Variants in SSC4D observed in about 807,000 individuals in gnomAD.
SSC4D encodes scavenger receptor cysteine-rich domain-containing group B protein.
A neutral mutation model predicts 63.4 loss-of-function variants in SSC4D; 57 were observed. The ratio of observed to expected loss-of-function variants is 0.90; its 90% CI spans 0.73 to 1.12. The LOEUF (loss-of-function observed/expected upper bound fraction) is 1.12. Ranked by LOEUF, SSC4D falls within the 50% of genes most tolerant of loss-of-function variation. The pLI, the probability that SSC4D is intolerant of heterozygous loss-of-function variation, is 0.00. For synonymous variants in SSC4D, 352 were observed against 345.4 expected, an observed-to-expected ratio of 1.02 and a Z score of -0.21; for missense variants, 791 against 806.4, an observed-to-expected ratio of 0.98 and a Z score of 0.23.
At chr7:76,392,324 G>GGATC (rs1241960526) in intron 9 of SSC4D, among the ~76,000 whole-genome samples, 1 of 152,070 alleles carries the variant, frequency 6.6e-6, no homozygotes, top group African/African-American at 2.4e-5. Context: ...CGAGGCGGGT[G>GGATC]GATCACCTGA....
rs757555740 is a variant in SSC4D at position 76,393,379 on chromosome 7, AGCCTCACCTTC to A, written c.1333+15_1333+25del. 1.5e-6 allele frequency: 2 copies of A among 1,324,242 alleles called. No homozygotes were observed. The highest frequency in any genetic ancestry group is 1.9e-6 in the Non-Finnish European group (2 of 1,034,224). 82.0% of individuals were successfully genotyped at this position (1,324,242 alleles called of 1,614,324 possible). A position where few individuals can be genotyped will look rare whatever the true frequency, so the allele number is the denominator to read the frequency against. ...CGCCGCAGTGCGCGGCCCCGCTGTC[AGCCTCACCTTC>A]GCTGTCAGCCTCACCTGCGCAGAGC... On this transcript the variant is annotated intron_variant, in intron 9 of 10. Coordinates refer to ENST00000275560, the MANE Select transcript of SSC4D (RefSeq NM_080744.2).
chr7:76,406,911 T>A lies in SSC4D; in HGVS notation c.-66-2406A>T, dbSNP rs187944594. On this transcript the variant is annotated intron_variant, in intron 1 of 10. Coordinates refer to ENST00000275560, the MANE Select transcript of SSC4D (RefSeq NM_080744.2). ...TGTGTCATGGTAACTATGATTTACT[T>A]AATATTTTTCTCATTTTATTGGCAC... is the stretch of plus-strand genomic sequence containing the variant. Among the ~76,000 whole-genome samples the A allele has an allele frequency of 3.3e-4, 51 of 152,242 alleles. No individual in the cohort carries two copies. The East Asian group carries it at 9.5e-3, about 28-fold the overall frequency.
chr7:76,392,860 T>C (rs1791766236), intron 9 of SSC4D, among the ~76,000 whole-genome samples: 1 of 151,914 alleles, frequency 6.6e-6, no homozygotes. Context: ...GAACCCTCTG[T>C]GGCCAAAACT....
At chr7:76,401,118 A>G in intron 2 of SSC4D, 75 bp from the exon 3 acceptor site, 1 of 1,469,752 alleles carries the variant, frequency 6.8e-7, no homozygotes, top group South Asian at 1.4e-5. Context: ...CACACCCCCC[A>G]ACTCCCACAG....
rs1171830870 is a variant in SSC4D at position 76,405,271 on chromosome 7, T to TTATATATATA, written c.-66-776_-66-767dup. On this transcript the variant is annotated intron_variant, in intron 1 of 10. Transcript: ENST00000275560. Reference sequence around the variant, plus strand: ...GGCGTGCATCACCACACCCAGCTAATTATATATATATATATATATATATAT... The same window carrying TTATATATATA: ...GGCGTGCATCACCACACCCAGCTAATTATATATATATATATATATATATATATATATATAT... Among the ~76,000 whole-genome samples the TTATATATATA allele has an allele frequency of 4.4e-3, 40 of 9,132 alleles. 1 individual carries two copies. Among genetic ancestry groups the TTATATATATA allele is most frequent in the South Asian group, 0.011 (1 of 92 alleles). 6.0% of individuals were successfully genotyped at this position (9,132 alleles called of 152,430 possible).
intron 2 of SSC4D, among the ~76,000 whole-genome samples, chr7:76,401,550 G>A (rs111399209): frequency 0.18 from 27,743 of 152,070 alleles, 2,774 homozygotes; most frequent in South Asian, 0.25. Flanking sequence ...CCGAGTAGCT[G>A]GGATTACAGG....
intron 4 of SSC4D, 108 bp from the exon 5 acceptor site, chr7:76,398,905 C>G: frequency 2.7e-6 from 3 of 1,091,974 alleles, no homozygotes; most frequent in Non-Finnish European, 4.1e-6. Flanking sequence ...GCCGCCAGAG[C>G]CTCTGGCCAC....
At chr7:76,395,120 C>T (rs1235663115) in intron 7 of SSC4D, 133 bp downstream of exon 7, 1 of 978,334 alleles carries the variant, frequency 1.0e-6, no homozygotes, top group Admixed American at 2.0e-5. Context: ...GTCTCACCCA[C>T]CTCTGCACCA....
At chr7:76,392,063 T>TA (rs1475195085) in intron 9 of SSC4D, 22 bp from the exon 10 acceptor site, 1 of 1,556,910 alleles carries the variant, frequency 6.4e-7, no homozygotes, top group African/African-American at 1.4e-5. Context: ...AGGACAGAGA[T>TA]AAAGAGGTGG....
rs751887721 is a variant in SSC4D at position 76,397,523 on chromosome 7, C to T, written c.863G>A (p.Cys288Tyr). ...CGHHEDAGAL[C>Y]AGLGPPTLTA... ...ATCGCCCCTAGAGCCCGCACCTGCG[C>T]AGAGCGCGCCCGCGTCCTCGTGGTG... Residue 288 changes from cysteine to tyrosine, a missense_variant, in exon 6 of 11, where the codon TGC (cysteine) becomes TAC (tyrosine). Physicochemically the swap from Cys to Tyr is radical, Grantham distance 194. Coordinates refer to ENST00000275560, the MANE Select transcript of SSC4D (RefSeq NM_080744.2). 1.9e-6 allele frequency: 3 copies of T among 1,553,698 alleles called. No individual in the cohort carries two copies. Among genetic ancestry groups the T allele is most frequent in the Non-Finnish European group, 1.7e-6 (2 of 1,150,974 alleles).
At chr7:76,406,761 T>G (rs942326212) in intron 1 of SSC4D, among the ~76,000 whole-genome samples, 4 of 151,838 alleles carry the variant, frequency 2.6e-5, no homozygotes, top group African/African-American at 9.7e-5. Flanking sequence ...TTTTTTTGTT[T>G]TTAATACCCC....
chr7:76,404,253 G>A (rs1804926209), intron 2 of SSC4D, 54 bp downstream of exon 2: 1 of 1,485,718 alleles, frequency 6.7e-7, no homozygotes, highest in Non-Finnish European at 8.9e-7. Context: ...TTACAGCTGG[G>A]ACAACTGAGA....
chr7:76,394,363 G>A (rs1804579798), intron 7 of SSC4D, among the ~76,000 whole-genome samples: 1 of 151,686 alleles, frequency 6.6e-6, no homozygotes, highest in African/African-American at 2.4e-5. Flanking sequence ...TCCTGCCTCG[G>A]TATTCCAAAG....
rs10261314 is a variant in SSC4D, at chr7:76,393,712, T to C, written c.1026A>G (p.Gly342=). The C allele has an allele frequency of 0.47, 646,342 of 1,387,682 alleles. 153,842 individuals are homozygous for C. Among genetic ancestry groups the C allele is most frequent in the African/African-American group, 0.65 (42,609 of 65,242 alleles). 86.0% of individuals were successfully genotyped at this position (1,387,682 alleles called of 1,614,324 possible). Residue 342 remains glycine (G), a synonymous_variant, in exon 9 of 11, where the codon GGA becomes GGG. Coordinates refer to ENST00000275560, the MANE Select transcript of SSC4D (RefSeq NM_080744.2). ...TAAWAAGKKS[G]RLRLVGGPGP... ...CCGGGCCGCCCACCAGTCGCAGCCG[T>C]CCACCTGCGGGGCGCACAGGCCCGC...
At chr7:76,393,358 G>T in intron 9 of SSC4D, 47 bp downstream of exon 9, 8 of 1,308,862 alleles carry the variant, frequency 6.1e-6, no homozygotes, top group Non-Finnish European at 6.8e-6. Context: ...CTCCCACGCC[G>T]CAGTGCGCGG....
chr7:76,397,229 T>C (rs749861394), intron 6 of SSC4D, among the ~76,000 whole-genome samples: 2 of 152,164 alleles, frequency 1.3e-5, no homozygotes, highest in African/African-American at 2.4e-5. Context: ...ATTACAAGCA[T>C]GCACCACCAC....
chr7:76,395,672 GC>G (rs1370155021), intron 6 of SSC4D, among the ~76,000 whole-genome samples: 1 of 152,138 alleles, frequency 6.6e-6, no homozygotes, highest in Non-Finnish European at 1.5e-5. Flanking sequence ...CCATACACAG[GC>G]CTGAGTTCTC....
intron 5 of SSC4D, among the ~76,000 whole-genome samples, chr7:76,398,131 GCCTTC>G (rs1298272215): frequency 2.6e-5 from 4 of 152,054 alleles, no homozygotes; most frequent in African/African-American, 7.2e-5. Flanking sequence ...CCTCCAGGAA[GCCTTC>G]CCTGATCTCC....
At position 76,397,594 on chromosome 7, in the gene SSC4D, G is replaced by C. The variant is rs774638389; in HGVS notation, c.792C>G (p.Arg264=). The C allele has an allele frequency of 6.8e-5, 109 of 1,607,994 alleles. No individual in the cohort carries two copies. The highest frequency in any genetic ancestry group is 9.1e-5 in the Non-Finnish European group (107 of 1,178,030). The change falls in exon 6 of 11, where the codon CGC becomes CGG. Residue 264 remains arginine, a synonymous_variant. Transcript: ENST00000275560. ...AGCCCAGGCTCTGGCAGGCTGCCAG[G>C]CGGGGCTCGCCGCCTTCGCAGTGCA... The part of the protein sequence containing the change: ...DNVHCEGGEP[R]LAACQSLGWG...
Sources: allele counts gnomAD v4.1 joint callset (sites outside exome capture counted in the v4.1 genomes callset), GRCh38; gene constraint gnomAD v4.1.1; transcripts MANE v1.5; gene names NCBI Gene and HGNC (gene_info 2026-07-23, HGNC 2026-07-21).